The following FAM227A variants were observed in gnomAD, a reference collection of about 807,000 sequenced individuals.
The protein encoded by FAM227A is family with sequence similarity 227 member A.
FAM227A carries 80 observed loss-of-function variants against 74.7 expected under a neutral mutation model. The observed-to-expected ratio is 1.07, with a 90% CI of 0.89 to 1.29. The LOEUF is 1.29. Among genes scored for constraint, FAM227A ranks in the 50% most tolerant of loss-of-function variants. FAM227A has a pLI of 0.00. For synonymous variants in FAM227A, 237 were observed against 241.8 expected (o/e 0.98, Z 0.19); for missense variants, 654 against 683.4 (o/e 0.96, Z 0.48).
rs2091260718 is a variant in FAM227A, at chr22:38,605,310, G to C, written c.1165C>G (p.Gln389Glu). 1.3e-6 allele frequency: 2 copies of C among 1,550,992 alleles called. No individual in the cohort carries two copies. Among genetic ancestry groups the C allele is most frequent in the African/African-American group, 1.4e-5 (1 of 73,068 alleles). Residue 389 changes from glutamine to glutamate, a missense_variant, in exon 13 of 17, where the codon CAA (glutamine) becomes GAA (glutamate). Transcript: ENST00000535113. ...GCTTCTGATATCCTCTTGACTTCTTGCGTAGGTTTCTTCAAGACCAGGGTC... is the reference window on the plus strand; with the variant it reads ...GCTTCTGATATCCTCTTGACTTCTTCCGTAGGTTTCTTCAAGACCAGGGTC... Reference protein sequence around the residue: ...CQTLVLKKPTQEVKRISEARE... With the variant: ...CQTLVLKKPTEEVKRISEARE...
chr22:38,597,383 C>T (rs747731871), intron 14 of FAM227A, 27 bp from the exon 15 acceptor site: 26 of 1,550,642 alleles, frequency 1.7e-5, no homozygotes, highest in African/African-American at 6.8e-5. Context: ...AGGAAATCCC[C>T]GTACTGTGGA....
At position 38,585,929 on chromosome 22, in the gene FAM227A, C is replaced by T; in HGVS notation, c.*196G>A. ...GTAAATCTATGAATAAATGTAGTGA[C>T]CCAAGCACCAACTCTCTACTCCTGC... On this transcript the variant is annotated 3_prime_UTR_variant, in exon 17 of 17. Coordinates refer to ENST00000535113, the MANE Select transcript of FAM227A (RefSeq NM_001013647.2). 1 of 1,276,886 alleles carries T rather than the reference C, an allele frequency of 7.8e-7. No homozygotes were observed. Among genetic ancestry groups the T allele is most frequent in the Non-Finnish European group, 1.1e-6 (1 of 943,466 alleles). The allele number at this position is 1,276,886 out of a possible 1,614,324, so 79.1% of individuals were successfully genotyped here.
chr22:38,647,822 T>C (rs539485349), intron 2 of FAM227A, among the ~76,000 whole-genome samples: 1 of 152,304 alleles, frequency 6.6e-6, no homozygotes, highest in East Asian at 1.9e-4. Flanking sequence ...AAAAGGAAGA[T>C]ACCAAGAAGG....
Position 38,636,591 on chromosome 22 carries a change from C to G in FAM227A, c.379G>C (p.Ala127Pro), listed in dbSNP as rs1438767668. 6.4e-7 allele frequency: 1 copy of G among 1,550,666 alleles called. No homozygotes were observed. The highest frequency in any genetic ancestry group is 1.4e-5 in the African/African-American group (1 of 73,050). The change falls in exon 6 of 17, where the codon GCA becomes CCA. Residue 127 changes from alanine (A) to proline (P), a missense_variant. Physicochemically the swap from Ala to Pro is conservative, Grantham distance 27. Coordinates refer to ENST00000535113, the MANE Select transcript of FAM227A (RefSeq NM_001013647.2). ...AGCTCTGCCAGCAGATTTTTATCTG[C>G]TGTTTTCTGAAGCAAAAGAGCAGAA... The part of the protein sequence containing the change: ...ARSSVIKRKT[A>P]DKNLLAELYQ...
At chr22:38,630,274 G>A (rs1424214447) in intron 6 of FAM227A, among the ~76,000 whole-genome samples, 1 of 152,240 alleles carries the variant, frequency 6.6e-6, no homozygotes, top group African/African-American at 2.4e-5. Context: ...GACATGCATG[G>A]ATAAACGAGC....
intron 16 of FAM227A, among the ~76,000 whole-genome samples, chr22:38,588,064 G>A (rs2090845958): frequency 6.6e-6 from 1 of 152,166 alleles, no homozygotes. Flanking sequence ...ACTCCAACAT[G>A]ATTATGGACA....
At chr22:38,595,867 T>A (rs1602864449) in intron 15 of FAM227A, among the ~76,000 whole-genome samples, 1 of 151,500 alleles carries the variant, frequency 6.6e-6, no homozygotes, top group South Asian at 2.1e-4. Flanking sequence ...AAACATAGGC[T>A]ATATTGGAAC....
At chr22:38,633,337 G>A (rs2091947348) in intron 6 of FAM227A, among the ~76,000 whole-genome samples, 1 of 152,158 alleles carries the variant, frequency 6.6e-6, no homozygotes, top group African/African-American at 2.4e-5. Flanking sequence ...GTTCCTCATA[G>A]GACCTCAAAA....
At chr22:38,610,724 G>A (rs1390921770) in intron 11 of FAM227A, among the ~76,000 whole-genome samples, 1 of 152,000 alleles carries the variant, frequency 6.6e-6, no homozygotes, top group African/African-American at 2.4e-5. Flanking sequence ...AAGAAAACCT[G>A]AACATGGTAG....
In FAM227A at chr22:38,585,094, C is replaced by T. The variant is rs931714290; in HGVS notation, c.*1031G>A. On this transcript the variant is annotated 3_prime_UTR_variant, in exon 17 of 17. Transcript: ENST00000535113. ...ACAGGTGTGAGCCACCACGCCTGGC[C>T]TAATTTAAAATTTTTTAATTAAAAA... 6.6e-6 allele frequency: 1 copy of T among 152,012 alleles called. No individual in the cohort carries two copies. Among genetic ancestry groups the T allele is most frequent in the Non-Finnish European group, 1.5e-5 (1 of 68,028 alleles). 9.4% of individuals were successfully genotyped at this position (152,012 alleles called of 1,614,324 possible).
intron 3 of FAM227A, among the ~76,000 whole-genome samples, chr22:38,640,466 C>T (rs2092091298): frequency 6.6e-6 from 1 of 152,144 alleles, no homozygotes; most frequent in Admixed American, 6.6e-5. Context: ...AGAGAGACTT[C>T]TCTTGATCTC....
At chr22:38,649,912 G>C (rs2092299640) in intron 2 of FAM227A, 115 bp downstream of exon 2, 1 of 892,282 alleles carries the variant, frequency 1.1e-6, no homozygotes, top group East Asian at 2.8e-5. Flanking sequence ...GAATGTATAA[G>C]GGACAAGCTA....
intron 11 of FAM227A, chr22:38,618,536 A>G (rs2146344368): frequency 6.6e-6 from 1 of 152,258 alleles, no homozygotes; most frequent in South Asian, 2.1e-4. Flanking sequence ...CTTTCTTCCA[A>G]TGAAGTCCTG....
At chr22:38,638,912 T>G (rs2092056906) in intron 4 of FAM227A, 90 bp from the exon 5 acceptor site, 2 of 802,834 alleles carry the variant, frequency 2.5e-6, no homozygotes, top group Admixed American at 3.1e-5. Context: ...TTCATTCCAC[T>G]TGAGCTGCCA....
At position 38,582,062 on chromosome 22, in the gene FAM227A, C is replaced by A. The variant is rs2090714180; in HGVS notation, c.*4063G>T. 3.1e-6 allele frequency: 1 copy of A among 326,886 alleles called. No homozygotes were observed. Among genetic ancestry groups the A allele is most frequent in the South Asian group, 5.7e-5 (1 of 17,414 alleles). 20.2% of individuals were successfully genotyped at this position (326,886 alleles called of 1,614,324 possible). ...CTGGCCTGTTCGTTTTTTAACAAAGCTTTATCGAAGTATAATTGACATATG... is the reference window on the plus strand; with the variant it reads ...CTGGCCTGTTCGTTTTTTAACAAAGATTTATCGAAGTATAATTGACATATG... On this transcript the variant is annotated 3_prime_UTR_variant, in exon 17 of 17. Transcript: ENST00000535113.
chr22:38,651,086 C>T (rs1187178418), intron 1 of FAM227A, among the ~76,000 whole-genome samples: 2 of 152,290 alleles, frequency 1.3e-5, no homozygotes, highest in African/African-American at 2.4e-5. Context: ...ATGCCAGACC[C>T]GCAGAACTTC....
At chr22:38,627,780 C>A (rs890635625) in intron 8 of FAM227A, among the ~76,000 whole-genome samples, 8 of 151,694 alleles carry the variant, frequency 5.3e-5, no homozygotes, top group Admixed American at 3.3e-4. Context: ...ATTTTTGTAT[C>A]TTTAGTAGAG....
At chr22:38,589,512 T>A (rs1174693900) in intron 16 of FAM227A, among the ~76,000 whole-genome samples, 1 of 151,932 alleles carries the variant, frequency 6.6e-6, no homozygotes, top group Non-Finnish European at 1.5e-5. Context: ...ACAAGCAAAA[T>A]TCTCAGAATT....
chr22:38,600,860 G>A (rs138918709), intron 13 of FAM227A, among the ~76,000 whole-genome samples: 3,776 of 151,596 alleles, frequency 0.025, 81 homozygotes, highest in Non-Finnish European at 0.042. Flanking sequence ...GCTGAGGCAG[G>A]AGAATCACTT....
Sources: allele counts gnomAD v4.1 joint callset (sites outside exome capture counted in the v4.1 genomes callset), GRCh38; gene constraint gnomAD v4.1.1; transcripts MANE v1.5; gene names NCBI Gene and HGNC (gene_info 2026-07-23, HGNC 2026-07-21).